The following SLC25A18 variants were observed in gnomAD, a reference collection of about 807,000 sequenced individuals.
SLC25A18 encodes solute carrier family 25 member 18, also known as mitochondrial glutamate carrier 2.
SLC25A18 carries 24 observed loss-of-function variants against 31.1 expected under a neutral mutation model. The observed-to-expected ratio is 0.77, with a 90% CI of 0.56 to 1.08. SLC25A18 has a LOEUF of 1.08. Among genes scored for constraint, SLC25A18 ranks in the 50% least tolerant of loss-of-function variants. The pLI is 0.00. For missense variants in SLC25A18, 371 were observed against 418.5 expected, an observed-to-expected ratio of 0.89 and a Z score of 0.99; for synonymous variants, 173 against 161.9, an observed-to-expected ratio of 1.07 and a Z score of -0.52.
chr22:17,588,967 G>A (rs1292536168), intron 9 of SLC25A18: 1 of 151,424 alleles, frequency 6.6e-6, no homozygotes, highest in Non-Finnish European at 1.5e-5. Flanking sequence ...GGGAGGCTGA[G>A]GTGGCAAGAT....
intron 1 of SLC25A18, among the ~76,000 whole-genome samples, chr22:17,564,847 ACT>A (rs907877978): frequency 2.0e-5 from 3 of 147,758 alleles, no homozygotes; most frequent in African/African-American, 7.6e-5. Context: ...ACAGAGCAAG[ACT>A]CTGTCTCCAA....
intron 2 of SLC25A18, among the ~76,000 whole-genome samples, chr22:17,573,813 C>T (rs1464185559): frequency 6.6e-6 from 1 of 152,168 alleles, no homozygotes; most frequent in East Asian, 1.9e-4. Context: ...TACCCCTTCT[C>T]CCTAATCCCT....
intron 2 of SLC25A18, among the ~76,000 whole-genome samples, chr22:17,572,929 T>C (rs1199877418): frequency 2.6e-5 from 4 of 152,224 alleles, no homozygotes; most frequent in South Asian, 4.1e-4. Flanking sequence ...GCATGAGCCA[T>C]GGCGCCCAGC....
chr22:17,583,557 A>G (rs1303648182), intron 7 of SLC25A18, 23 bp downstream of exon 7: 2 of 1,610,840 alleles, frequency 1.2e-6, no homozygotes, highest in South Asian at 1.1e-5. Context: ...CCCACCTCCT[A>G]TGGGAACAGT....
chr22:17,579,706 C>A (rs889601375), intron 2 of SLC25A18, 39 bp from the exon 3 acceptor site: 8 of 1,345,922 alleles, frequency 5.9e-6, no homozygotes, highest in Non-Finnish European at 6.7e-6. Context: ...TGCGTCCTCG[C>A]CCATCTGTGA....
intron 2 of SLC25A18, among the ~76,000 whole-genome samples, chr22:17,577,911 A>C (rs2057274757): frequency 6.6e-6 from 1 of 151,252 alleles, no homozygotes; most frequent in Admixed American, 6.6e-5. Context: ...TCCTGACCTC[A>C]GGTGATCTGC....
In SLC25A18 at chr22:17,588,076, G is replaced by T; in HGVS notation, c.727G>T (p.Asp243Tyr). The T allele has an allele frequency of 1.2e-6, 2 of 1,614,104 alleles. No homozygotes were observed. The highest frequency in any genetic ancestry group is 1.7e-6 in the Non-Finnish European group (2 of 1,180,038). Reference protein sequence around the residue: ...SIAAVAVTPLDVLKTRIQTLK... With the variant: ...SIAAVAVTPLYVLKTRIQTLK... Reference sequence around the variant, plus strand: ...AGCTGCGGTCGCAGTGACGCCTCTAGATGGTAAGGAGTTGGGAGACGTGTC... The same window carrying T: ...AGCTGCGGTCGCAGTGACGCCTCTATATGGTAAGGAGTTGGGAGACGTGTC... Residue 243 changes from aspartate to tyrosine, a missense_variant, in exon 9 of 11, where the codon GAT becomes TAT. Transcript: ENST00000327451.
chr22:17,589,670 G>A lies in SLC25A18; in HGVS notation c.806+5G>A, dbSNP rs1207869454. The A allele has an allele frequency of 6.2e-7, 1 of 1,614,064 alleles. No homozygotes were observed. The highest frequency in any genetic ancestry group is 1.1e-5 in the South Asian group (1 of 91,080). ...TGGGATCACCGACTGTGCCAGGTGAGAGCCAGTGTCCCCTCAAATGGTGGC... is the reference window on the plus strand; with the variant it reads ...TGGGATCACCGACTGTGCCAGGTGAAAGCCAGTGTCCCCTCAAATGGTGGC... On this transcript the variant is annotated splice_donor_5th_base_variant and intron_variant, in intron 10 of 10. Transcript: ENST00000327451.
intron 1 of SLC25A18, among the ~76,000 whole-genome samples, chr22:17,566,693 C>G (rs1349799146): frequency 6.6e-6 from 1 of 152,062 alleles, no homozygotes; most frequent in Non-Finnish European, 1.5e-5. Context: ...ATTACAGGCC[C>G]GAGCCACCGT....
chr22:17,589,318 C>T (rs752153936), intron 9 of SLC25A18: 23 of 332,730 alleles, frequency 6.9e-5, no homozygotes, highest in Non-Finnish European at 1.2e-4. Flanking sequence ...GTAGCTGGGA[C>T]TACAGGAACG....
chr22:17,584,393 A>AGAAAGAAAG (rs2057463523), intron 7 of SLC25A18, among the ~76,000 whole-genome samples: 24 of 146,664 alleles, frequency 1.6e-4, no homozygotes, highest in African/African-American at 6.1e-4. Flanking sequence ...ACTCCATCTC[A>AGAAAGAAAG]AAAAGAAAAG....
At chr22:17,581,820 T>G in intron 5 of SLC25A18, 1 of 188,744 alleles carries the variant, frequency 5.3e-6, no homozygotes, top group Non-Finnish European at 1.1e-5. Flanking sequence ...CCTTGGACAA[T>G]GGATCCCAAG....
intron 2 of SLC25A18, among the ~76,000 whole-genome samples, chr22:17,576,212 C>G (rs541024431): frequency 1.3e-5 from 2 of 151,872 alleles, no homozygotes; most frequent in Non-Finnish European, 2.9e-5. Flanking sequence ...ATTAGCCATT[C>G]GTGGTGGTGT....
Position 17,569,001 on chromosome 22 carries a change from C to A in SLC25A18, c.-263-923C>A, listed in dbSNP as rs190492057. Among the ~76,000 whole-genome samples the A allele has an allele frequency of 6.6e-5, 10 of 151,642 alleles. No individual in the cohort carries two copies. In the East Asian group the frequency reaches 1.7e-3, roughly 26 times the overall value. Reference sequence around the variant, plus strand: ...GGGGAGGAAAGTCTTTTAAGAGGAACCTCTTCTTTACTTTTTTTTTTTTTG... The same window carrying A: ...GGGGAGGAAAGTCTTTTAAGAGGAAACTCTTCTTTACTTTTTTTTTTTTTG... On this transcript the variant is annotated intron_variant, in intron 1 of 10. Coordinates refer to ENST00000327451, the MANE Select transcript of SLC25A18 (RefSeq NM_031481.3).
chr22:17,585,972 G>C (rs2057539148), intron 7 of SLC25A18, among the ~76,000 whole-genome samples: 3 of 152,026 alleles, frequency 2.0e-5, no homozygotes, highest in Non-Finnish European at 1.5e-5. Context: ...CATTTTAAAT[G>C]TGGTATAACT....
At chr22:17,582,305 G>A in intron 5 of SLC25A18, 1 of 279,776 alleles carries the variant, frequency 3.6e-6, no homozygotes, top group Non-Finnish European at 6.7e-6. Flanking sequence ...GAACCCGGGA[G>A]GCGGAGCTTT....
intron 2 of SLC25A18, among the ~76,000 whole-genome samples, chr22:17,578,539 C>T (rs1251332895): frequency 6.6e-6 from 1 of 152,154 alleles, no homozygotes; most frequent in African/African-American, 2.4e-5. Context: ...AGCTTCAGGG[C>T]ACCGGAGAGA....
rs773891866 is a variant in SLC25A18 at position 17,588,005 on chromosome 22, C to T, written c.656C>T (p.Ala219Val). 6.2e-6 allele frequency: 10 copies of T among 1,614,120 alleles called. No individual in the cohort carries two copies. Among genetic ancestry groups the T allele is most frequent in the Middle Eastern group, 1.6e-4 (1 of 6,084 alleles). Residue 219 changes from alanine to valine, a missense_variant, in exon 9 of 11, where the codon GCG (alanine) becomes GTG (valine). Transcript: ENST00000327451. ...GGGTTCAACGAGCTCGCCGGTAAGG[C>T]GTCCTTTGCACATTCCTTCGTGTCA... ...NLGFNELAGK[A>V]SFAHSFVSGC...
chr22:17,572,636 A>AT (rs1601279642), intron 2 of SLC25A18, among the ~76,000 whole-genome samples: 5,420 of 102,794 alleles, frequency 0.053, 709 homozygotes, highest in African/African-American at 0.14. Flanking sequence ...TCTACAAATA[A>AT]ATTTTTTTTT....
Sources: allele counts gnomAD v4.1 joint callset (sites outside exome capture counted in the v4.1 genomes callset), GRCh38; gene constraint gnomAD v4.1.1; transcripts MANE v1.5; gene names NCBI Gene and HGNC (gene_info 2026-07-23, HGNC 2026-07-21).